NCAPH: variants seen among roughly 807,000 people sequenced by gnomAD.
The protein encoded by NCAPH is condensin complex subunit 2.
A neutral mutation model predicts 85.5 loss-of-function variants in NCAPH; 38 were observed. The ratio of observed to expected loss-of-function variants is 0.44; its 90% CI spans 0.34 to 0.58. NCAPH has a LOEUF of 0.58. Among genes scored for constraint, NCAPH ranks in the 20% least tolerant of loss-of-function variants. The pLI is 0.01. For missense variants in NCAPH, 789 were observed against 916.6 expected (o/e 0.86, Z 1.80); for synonymous variants, 301 against 335.1 (o/e 0.90, Z 1.11).
At chr2:96,356,570 G>A (rs1474930521) in intron 9 of NCAPH, among the ~76,000 whole-genome samples, 1 of 152,140 alleles carries the variant, frequency 6.6e-6, no homozygotes, top group African/African-American at 2.4e-5. Context: ...TTTTACAGAT[G>A]AGGAAACAGG....
chr2:96,366,650 G>A (rs1367143238), intron 14 of NCAPH, among the ~76,000 whole-genome samples: 3 of 151,982 alleles, frequency 2.0e-5, no homozygotes, highest in African/African-American at 4.8e-5. Context: ...AGGCCAAGGC[G>A]GGCAGATCAC....
At chr2:96,346,882 A>G (rs2064368046) in intron 6 of NCAPH, among the ~76,000 whole-genome samples, 1 of 152,138 alleles carries the variant, frequency 6.6e-6, no homozygotes, top group South Asian at 2.1e-4. Context: ...GATGGAGACC[A>G]TTGAAGGAGA....
Position 96,367,279 on chromosome 2 carries a change from A to G in NCAPH, c.1904A>G (p.Tyr635Cys), listed in dbSNP as rs952356881. Residue 635 changes from tyrosine (Y) to cysteine (C), a missense_variant, in exon 15 of 18, where the codon TAT becomes TGT. Transcript: ENST00000240423. ...PQKVNKIEIHYAKTAKKMDMK... is the reference protein window; with the variant it reads ...PQKVNKIEIHCAKTAKKMDMK... Reference sequence around the variant, plus strand: ...CAGGTAAATAAAATTGAAATTCACTATGCCAAGACTGCCAAAAAGATGGAC... The same window carrying G: ...CAGGTAAATAAAATTGAAATTCACTGTGCCAAGACTGCCAAAAAGATGGAC... 4 of 1,612,980 alleles carry G rather than the reference A, an allele frequency of 2.5e-6. No homozygotes were observed. Among genetic ancestry groups the G allele is most frequent in the Non-Finnish European group, 3.4e-6 (4 of 1,179,088 alleles).
At chr2:96,370,730 C>A (rs1558805048) in intron 17 of NCAPH, among the ~76,000 whole-genome samples, 1 of 152,190 alleles carries the variant, frequency 6.6e-6, no homozygotes, top group Admixed American at 6.5e-5. Flanking sequence ...TGGGCCAGGA[C>A]CAAGTGCTGT....
chr2:96,336,714 A>G (rs761104660), intron 1 of NCAPH, among the ~76,000 whole-genome samples: 4 of 152,196 alleles, frequency 2.6e-5, no homozygotes, highest in African/African-American at 7.2e-5. Flanking sequence ...AGTTATATGG[A>G]CCACTCAGGG....
chr2:96,341,227 A>G (rs967318552), intron 1 of NCAPH, among the ~76,000 whole-genome samples: 3 of 152,186 alleles, frequency 2.0e-5, no homozygotes, highest in Admixed American at 1.3e-4. Context: ...AGGAGCTGGA[A>G]TTAGAGCCCA....
intron 1 of NCAPH, among the ~76,000 whole-genome samples, chr2:96,339,590 CAAAA>C (rs950305411): frequency 7.7e-5 from 5 of 65,320 alleles, no homozygotes; most frequent in Non-Finnish European, 1.2e-4. Flanking sequence ...GACTCTGTCT[CAAAA>C]AAAAAAAAAA....
intron 6 of NCAPH, among the ~76,000 whole-genome samples, chr2:96,350,923 G>A (rs896732551): frequency 1.3e-5 from 2 of 152,202 alleles, no homozygotes; most frequent in Admixed American, 6.5e-5. Flanking sequence ...CTGCACATGT[G>A]TGTGATTCAC....
At chr2:96,349,298 A>C (rs540290273) in intron 6 of NCAPH, among the ~76,000 whole-genome samples, 90 of 152,344 alleles carry the variant, frequency 5.9e-4, no homozygotes, top group African/African-American at 2.0e-3. Flanking sequence ...ACTTGTAATC[A>C]TCAAGAGTAT....
At chr2:96,340,668 G>T (rs1437198226) in intron 1 of NCAPH, among the ~76,000 whole-genome samples, 1 of 151,974 alleles carries the variant, frequency 6.6e-6, no homozygotes, top group Non-Finnish European at 1.5e-5. Flanking sequence ...GGGATTACAG[G>T]CATGAGCCAC....
In NCAPH at chr2:96,376,406, A is replaced by G. The variant is rs993645968; in HGVS notation, c.*3055A>G. ...GAGGGAACCAGGCATTACAAATTGA[A>G]TTGAACAAGGACAGATATCTGAAGG... On this transcript the variant is annotated 3_prime_UTR_variant, in exon 18 of 18. Coordinates refer to ENST00000240423, the MANE Select transcript of NCAPH (RefSeq NM_015341.5). Among the ~76,000 whole-genome samples, 3 of 152,244 alleles carry G rather than the reference A, an allele frequency of 2.0e-5. No individual in the cohort carries two copies. Among genetic ancestry groups the G allele is most frequent in the Non-Finnish European group, 2.9e-5 (2 of 68,040 alleles).
At chr2:96,362,805 C>T (rs952638577) in intron 12 of NCAPH, among the ~76,000 whole-genome samples, 1 of 151,994 alleles carries the variant, frequency 6.6e-6, no homozygotes, top group Non-Finnish European at 1.5e-5. Flanking sequence ...AGAACATTTT[C>T]TTGAGATGGA....
rs961689962 is a variant in NCAPH, at chr2:96,375,553, C to T, written c.*2202C>T. Among the ~76,000 whole-genome samples, 2 of 152,110 alleles carry T rather than the reference C, an allele frequency of 1.3e-5. No individual in the cohort carries two copies. The highest frequency in any genetic ancestry group is 2.4e-5 in the African/African-American group (1 of 41,406). On this transcript the variant is annotated 3_prime_UTR_variant, in exon 18 of 18. Transcript: ENST00000240423. ...GCCCCTCACCAGACAGCAAATCTGC[C>T]GGCGTCTTGATCTTGGACTTCTCAG... is the stretch of plus-strand genomic sequence containing the variant.
At position 96,351,969 on chromosome 2, in the gene NCAPH, G is replaced by A; in HGVS notation, c.859G>A (p.Glu287Lys). The A allele has an allele frequency of 1.2e-6, 2 of 1,614,088 alleles. No individual in the cohort carries two copies. Among genetic ancestry groups the A allele is most frequent in the South Asian group, 1.1e-5 (1 of 91,050 alleles). Reference protein sequence around the residue: ...PSDVQTLSTGEPLELPELGCV... With the variant: ...PSDVQTLSTGKPLELPELGCV... ...TGATGTCCAGACTCTCTCCACGGGA[G>A]AACCTCTCGAGTTGCCAGAGTTAGG... Residue 287 changes from glutamate to lysine, a missense_variant, in exon 7 of 18, where the codon GAA becomes AAA. Physicochemically the swap from Glu to Lys is moderately conservative, Grantham distance 56. Transcript: ENST00000240423.
At chr2:96,356,796 C>G (rs13410507) in intron 9 of NCAPH, among the ~76,000 whole-genome samples, 6,788 of 152,172 alleles carry the variant, frequency 0.045, 498 homozygotes, top group African/African-American at 0.15. Context: ...CTTCGGAGGC[C>G]TCTGGATGAA....
intron 6 of NCAPH, among the ~76,000 whole-genome samples, chr2:96,346,991 C>A (rs1573070358): frequency 6.6e-6 from 1 of 152,066 alleles, no homozygotes; most frequent in Admixed American, 6.5e-5. Flanking sequence ...TAGTAATGAG[C>A]CATAAACTAA....
At chr2:96,344,777 T>G (rs1481691746) in intron 6 of NCAPH, among the ~76,000 whole-genome samples, 2 of 152,216 alleles carry the variant, frequency 1.3e-5, no homozygotes, top group Non-Finnish European at 2.9e-5. Flanking sequence ...GGAGGCCTCA[T>G]CTATAATTAG....
At chr2:96,367,456 T>TG (rs1035083040) in intron 15 of NCAPH, 83 bp downstream of exon 15, 3 of 953,746 alleles carry the variant, frequency 3.1e-6, no homozygotes, top group Non-Finnish European at 5.0e-6. Context: ...CACCTCGATT[T>TG]GGGCAATGCC....
intron 17 of NCAPH, among the ~76,000 whole-genome samples, chr2:96,372,046 G>A (rs142398961): frequency 5.3e-5 from 8 of 152,348 alleles, no homozygotes; most frequent in Admixed American, 2.6e-4. Context: ...TGACTTGAGC[G>A]TTCTGTCTTT....
Sources: gnomAD v4.1 joint callset for allele counts (sites outside exome capture counted in the v4.1 genomes callset) on GRCh38, gnomAD v4.1.1 for gene constraint, MANE v1.5 for transcripts, NCBI Gene and HGNC (gene_info 2026-07-23, HGNC 2026-07-21) for gene names.